SNRPB: variants seen among roughly 807,000 people sequenced by gnomAD.
SNRPB encodes the protein small nuclear ribonucleoprotein-associated proteins B and B'.
In SNRPB, 5 loss-of-function variants were observed where a neutral mutation model predicts 26.6. That is an observed-to-expected ratio of 0.19 (90% CI 0.10 to 0.39). The LOEUF is 0.39. Among genes scored for constraint, SNRPB ranks in the 10% least tolerant of loss-of-function variants. The pLI, the probability that SNRPB is intolerant of heterozygous loss-of-function variation, is 1.00. For missense variants in SNRPB, 211 were observed against 311.9 expected, an observed-to-expected ratio of 0.68 and a Z score of 2.44; for synonymous variants, 122 against 105.8, an observed-to-expected ratio of 1.15 and a Z score of -0.94.
chr20:2,470,761 C>A lies in SNRPB; in HGVS notation c.-71G>T, dbSNP rs2085109502. ...AGAGGCCTAGCCTCTCTCCCACAGC[C>A]GATTTCCCGCCGCCGCTACCGGAAA... On this transcript the variant is annotated 5_prime_UTR_variant, in exon 1 of 7. Coordinates refer to ENST00000381342, the MANE Select transcript of SNRPB (RefSeq NM_003091.4). 1 of 1,583,260 alleles carries A rather than the reference C, an allele frequency of 6.3e-7. No homozygotes were observed. The highest frequency in any genetic ancestry group is 1.1e-5 in the South Asian group (1 of 90,452).
rs1186361975 is a variant in SNRPB at position 2,470,678 on chromosome 20, CCCT to C, written c.3+7_3+9del. The C allele has an allele frequency of 1.2e-6, 2 of 1,613,606 alleles. No individual in the cohort carries two copies. The highest frequency in any genetic ancestry group is 2.2e-5 in the East Asian group (1 of 44,880). Reference sequence around the variant, plus strand: ...GAAGCTCCCGCGCCGCCAGCCTGTGCCCTCCTTACCATGGTGGCGGTTCTGATG... The same window carrying C: ...GAAGCTCCCGCGCCGCCAGCCTGTGCCCTTACCATGGTGGCGGTTCTGATG... On this transcript the variant is annotated splice_region_variant and intron_variant, in intron 1 of 6. Coordinates refer to ENST00000381342, the MANE Select transcript of SNRPB (RefSeq NM_003091.4).
intron 2 of SNRPB, 65 bp downstream of exon 2, chr20:2,467,542 G>T (rs569390073): frequency 4.6e-4 from 683 of 1,498,256 alleles, no homozygotes; most frequent in Non-Finnish European, 5.9e-4. Flanking sequence ...CACCTCTATT[G>T]CTTGGCCCAC....
At position 2,462,667 on chromosome 20, in the gene SNRPB, C is replaced by T. The variant is rs200724832; in HGVS notation, c.654G>A (p.Pro218=). 8.1e-5 allele frequency: 131 copies of T among 1,612,200 alleles called. No homozygotes were observed. Among genetic ancestry groups the T allele is most frequent in the East Asian group, 4.7e-4 (21 of 44,882 alleles). ...TCCCAGGGGGAGGAGGCCGCATTCC[C>T]GGAGGGGGCATGCCCATTGGAGTCC... The part of the protein sequence containing the change: ...GRGTPMGMPP[P]GMRPPPPGMR... The change falls in exon 6 of 7, where the codon CCG becomes CCA. Residue 218 remains proline (P), a synonymous_variant. Transcript: ENST00000381342.
intron 1 of SNRPB, among the ~76,000 whole-genome samples, chr20:2,470,024 G>T (rs1600003965): frequency 1.3e-5 from 2 of 152,150 alleles, no homozygotes; most frequent in Non-Finnish European, 2.9e-5. Context: ...ACCCCGCCCC[G>T]CTGCCGTTAC....
Position 2,463,738 on chromosome 20 carries a change from A to G in SNRPB, c.420+9T>C. ...ACCAGGAGGTGGTACCCTTTCCCCA[A>G]CTCCTCACCTGTTGGGATGGCCCGC... On this transcript the variant is annotated intron_variant, in intron 4 of 6. Transcript: ENST00000381342. This position sits in a 1 kb window ranked among gnomAD's most constrained non-coding sequence, Gnocchi z 5.0. The G allele has an allele frequency of 1.9e-6, 3 of 1,560,828 alleles. No individual in the cohort carries two copies. The highest frequency in any genetic ancestry group is 2.6e-6 in the Non-Finnish European group (3 of 1,158,094).
At chr20:2,465,582 A>G in intron 3 of SNRPB, 126 bp downstream of exon 3, 1 of 659,898 alleles carries the variant, frequency 1.5e-6, no homozygotes. Context: ...GATTTCATTT[A>G]TTATCTGAAA....
Position 2,465,728 on chromosome 20 carries a change from C to G in SNRPB, c.247G>C (p.Glu83Gln). The stretch of plus-strand genomic sequence containing the variant: ...CTTACATCTTTGGGAGGAGGTCCCT[C>G]TACTGTCATTGAGACCAGATTCTCC... Reference protein sequence around the residue: ...RGENLVSMTVEGPPPKDTGIA... With the variant: ...RGENLVSMTVQGPPPKDTGIA... Residue 83 changes from glutamate (E) to glutamine (Q), a missense_variant, in exon 3 of 7, where the codon GAG (glutamate) becomes CAG (glutamine). By Grantham distance (29) the Glu-to-Gln change is conservative. Coordinates refer to ENST00000381342, the MANE Select transcript of SNRPB (RefSeq NM_003091.4). 2 of 1,612,890 alleles carry G rather than the reference C, an allele frequency of 1.2e-6. No homozygotes were observed. The highest frequency in any genetic ancestry group is 1.7e-6 in the Non-Finnish European group (2 of 1,179,070).
At chr20:2,467,442 CAAA>C in intron 2 of SNRPB, 162 bp downstream of exon 2, 1 of 678,058 alleles carries the variant, frequency 1.5e-6, no homozygotes, top group Non-Finnish European at 2.5e-6. Context: ...TTGCTGGACT[CAAA>C]AAGATTTCTT....
Position 2,463,678 on chromosome 20 carries a change from A to C in SNRPB, c.420+69T>G. The C allele has an allele frequency of 3.3e-6, 4 of 1,229,746 alleles. No individual in the cohort carries two copies. Among genetic ancestry groups the C allele is most frequent in the Non-Finnish European group, 4.6e-6 (4 of 876,978 alleles). The allele number at this position is 1,229,746 out of a possible 1,614,324, so 76.2% of individuals were successfully genotyped here. ...GTTGGTCACTCTGGACCCTTTTAAA[A>C]CTATGGACCCTCCCCTTTATCCTTT... On this transcript the variant is annotated intron_variant, in intron 4 of 6. Coordinates refer to ENST00000381342, the MANE Select transcript of SNRPB (RefSeq NM_003091.4). The surrounding 1 kb of genome is among the most constrained non-coding windows in gnomAD (Gnocchi z 5.0).
intron 1 of SNRPB, among the ~76,000 whole-genome samples, chr20:2,469,142 C>A (rs765771655): frequency 1.3e-5 from 2 of 152,122 alleles, no homozygotes; most frequent in Non-Finnish European, 2.9e-5. Flanking sequence ...CTCATTTAAT[C>A]CCCAAAATTG....
rs2085038457 is a variant in SNRPB at position 2,462,085 on chromosome 20, A to C, written c.686-146T>G. 9.7e-6 allele frequency: 6 copies of C among 616,108 alleles called. No individual in the cohort carries two copies. The South Asian group carries it at 1.2e-4, about 13-fold the overall frequency. 38.2% of individuals were successfully genotyped at this position (616,108 alleles called of 1,614,324 possible). ...CTAACTAGGGACTACTCTGAGGCTG[A>C]CTGGGTTCCTATGTCTATAAAAACC... On this transcript the variant is annotated intron_variant, in intron 6 of 6. Coordinates refer to ENST00000381342, the MANE Select transcript of SNRPB (RefSeq NM_003091.4).
At chr20:2,464,921 A>T (rs1270122157) in intron 3 of SNRPB, among the ~76,000 whole-genome samples, 1 of 151,820 alleles carries the variant, frequency 6.6e-6, no homozygotes, top group Non-Finnish European at 1.5e-5. Flanking sequence ...AGGGAAAGGG[A>T]AAACAAATTT....
rs1039843833 is a variant in SNRPB, at chr20:2,465,887, T to C, written c.156-68A>G. ...GGTAAAGTTCACCTGCCTAGTGGCC[T>C]CCAAGATTTGCTTATACTGCATCTC... is the stretch of plus-strand genomic sequence containing the variant. On this transcript the variant is annotated intron_variant, in intron 2 of 6. Coordinates refer to ENST00000381342, the MANE Select transcript of SNRPB (RefSeq NM_003091.4). The C allele has an allele frequency of 1.4e-5, 17 of 1,189,752 alleles. No homozygotes were observed. The African/African-American group carries it at 2.6e-4, about 18-fold the overall frequency. 73.7% of individuals were successfully genotyped at this position (1,189,752 alleles called of 1,614,324 possible). A position where few individuals can be genotyped will look rare whatever the true frequency, so the allele number is the denominator to read the frequency against.
chr20:2,467,982 T>C (rs1465488053), intron 1 of SNRPB, among the ~76,000 whole-genome samples: 1 of 152,218 alleles, frequency 6.6e-6, no homozygotes, highest in African/African-American at 2.4e-5. Flanking sequence ...TCCCTTGAAA[T>C]CGGTCTTTCT....
intron 1 of SNRPB, among the ~76,000 whole-genome samples, chr20:2,469,893 C>T (rs1364997168): frequency 6.6e-6 from 1 of 152,096 alleles, no homozygotes; most frequent in Non-Finnish European, 1.5e-5. Context: ...ATCTTGTTAC[C>T]CTTCAGCCTT....
chr20:2,468,369 A>G (rs1200899805), intron 1 of SNRPB, among the ~76,000 whole-genome samples: 1 of 152,212 alleles, frequency 6.6e-6, no homozygotes, highest in African/African-American at 2.4e-5. Context: ...CCCAACAAAC[A>G]TTTCTGCTTT....
chr20:2,470,733 C>G lies in SNRPB; in HGVS notation c.-43G>C, dbSNP rs779382737. 6.2e-7 allele frequency: 1 copy of G among 1,610,166 alleles called. No individual in the cohort carries two copies. Among genetic ancestry groups the G allele is most frequent in the African/African-American group, 1.3e-5 (1 of 75,032 alleles). On this transcript the variant is annotated 5_prime_UTR_variant, in exon 1 of 7. Coordinates refer to ENST00000381342, the MANE Select transcript of SNRPB (RefSeq NM_003091.4). ...CTCTGATACCCGCCGGATTCGCCTCCTCAGAGGCCTAGCCTCTCTCCCACA... is the reference window on the plus strand; with the variant it reads ...CTCTGATACCCGCCGGATTCGCCTCGTCAGAGGCCTAGCCTCTCTCCCACA...
At chr20:2,467,550 CACCCACTCA>C in intron 2 of SNRPB, 48 bp downstream of exon 2, 1 of 1,545,318 alleles carries the variant, frequency 6.5e-7, no homozygotes, top group Non-Finnish European at 8.9e-7. Flanking sequence ...TTGCTTGGCC[CACCCACTCA>C]ATCCATTCCC....
intron 3 of SNRPB, among the ~76,000 whole-genome samples, chr20:2,465,364 T>C (rs1443566401): frequency 6.6e-6 from 1 of 151,488 alleles, no homozygotes; most frequent in Non-Finnish European, 1.5e-5. Flanking sequence ...GTTCCCCTTT[T>C]CCACTTCTTT....
Sources: allele counts gnomAD v4.1 joint callset (sites outside exome capture counted in the v4.1 genomes callset), GRCh38; gene constraint gnomAD v4.1.1; non-coding constraint Gnocchi (gnomAD v3.1); transcripts MANE v1.5; gene names NCBI Gene and HGNC (gene_info 2026-07-23, HGNC 2026-07-21).